The following SYCE1 variants were observed in gnomAD, a reference collection of about 807,000 sequenced individuals.
SYCE1 encodes synaptonemal complex central element protein 1.
Under a neutral mutation model 55.1 loss-of-function variants are expected in SYCE1, and 37 were observed. That is an observed-to-expected ratio of 0.67 (90% CI 0.52 to 0.88). The LOEUF (loss-of-function observed/expected upper bound fraction) is 0.88, where lower values mean the gene tolerates loss of function less well. SYCE1 is among the 40% of genes least tolerant of loss of function. The pLI is 0.00. For missense variants in SYCE1, 399 were observed against 416.4 expected (o/e 0.96, Z 0.36); for synonymous variants, 163 against 159.4 (o/e 1.02, Z -0.17).
At chr10:133,563,485 A>G (rs1851860277) in intron 1 of SYCE1, among the ~76,000 whole-genome samples, 1 of 152,158 alleles carries the variant, frequency 6.6e-6, no homozygotes, top group South Asian at 2.1e-4. Flanking sequence ...GGAGTTCAAG[A>G]GCAGCCTGAG....
upstream of SYCE1, chr10:133,567,865 T>A (rs749992455): frequency 4.5e-6 from 2 of 447,526 alleles, no homozygotes; most frequent in African/African-American, 4.0e-5. Context: ...GGGCCCATGG[T>A]CTCCTCTAGG....
chr10:133,557,313 C>T, intron 6 of SYCE1, 157 bp from the exon 7 acceptor site: 1 of 662,570 alleles, frequency 1.5e-6, no homozygotes, highest in South Asian at 1.8e-5. Flanking sequence ...TGACCATTTG[C>T]CCCCTGGAAG....
chr10:133,554,454 G>C, downstream of SYCE1: 1 of 858,516 alleles, frequency 1.2e-6, no homozygotes, highest in Non-Finnish European at 2.0e-6. Flanking sequence ...ACATGTATCA[G>C]ATGCACATGA....
chr10:133,565,634 C>G (rs983221154), upstream of SYCE1: 1 of 1,098,884 alleles, frequency 9.1e-7, no homozygotes, highest in African/African-American at 1.6e-5. Flanking sequence ...CTGCGCAATG[C>G]ACTCCTGCGC....
Position 133,555,363 on chromosome 10 carries a change from G to A in SYCE1, c.906C>T (p.Gly302=), listed in dbSNP as rs757677993. The A allele has an allele frequency of 8.1e-6, 13 of 1,613,988 alleles. No homozygotes were observed. The highest frequency in any genetic ancestry group is 1.1e-5 in the Non-Finnish European group (13 of 1,179,946). The change falls in exon 12 of 13, where the codon GGC becomes GGT. Residue 302 remains glycine (G), a synonymous_variant. Transcript: ENST00000343131. ...TTCTGGGGCTTACCACATCTCCTGG[G>A]CCAGCCTCTTCCTCTTGTGTGCTCT... ...QAQSTQEEEA[G]PGDVASPKPL...
chr10:133,557,801 C>T, intron 6 of SYCE1, 63 bp downstream of exon 6: 1 of 1,571,448 alleles, frequency 6.4e-7, no homozygotes, highest in African/African-American at 1.3e-5. Context: ...CATCTTCCTG[C>T]CTCTTTCTGC....
At chr10:133,562,921 T>C (rs191274247) in intron 1 of SYCE1, among the ~76,000 whole-genome samples, 210 of 152,296 alleles carry the variant, frequency 1.4e-3, no homozygotes, top group African/African-American at 4.9e-3. Flanking sequence ...ACATTGGGGA[T>C]TACAATTCAA....
At chr10:133,558,443 T>C (rs547824715) in intron 4 of SYCE1, 4 of 584,842 alleles carry the variant, frequency 6.8e-6, no homozygotes, top group East Asian at 5.7e-5. Flanking sequence ...TGCTCGTGCT[T>C]TTACATGGGG....
intron 4 of SYCE1, chr10:133,558,536 A>G: frequency 1.9e-6 from 1 of 531,330 alleles, no homozygotes; most frequent in South Asian, 2.4e-5. Context: ...ATGTGACCAG[A>G]TGGAGGCAGG....
At chr10:133,562,261 ATGTGTGTGTGTGTGTGTGTGTGTG>A (rs59050384) in intron 1 of SYCE1, among the ~76,000 whole-genome samples, 6,535 of 143,094 alleles carry the variant, frequency 0.046, 236 homozygotes, top group East Asian at 0.18. Context: ...CTAACATCCA[ATGTGTGTGTGTGTGTGTGTGTGTG>A]TGTGTGTGTG....
At position 133,557,422 on chromosome 10, in the gene SYCE1, TCA is replaced by T. The variant is rs1333728725; in HGVS notation, c.375-268_375-267del. 4 of 521,396 alleles carry T rather than the reference TCA, an allele frequency of 7.7e-6. No homozygotes were observed. In the Admixed American group the frequency reaches 1.4e-4, roughly 18 times the overall value. The allele number at this position is 521,396 out of a possible 1,614,324, so 32.3% of individuals were successfully genotyped here. ...CTCGTTTTCCCAAAGAGCTGAAATC[TCA>T]GTGTGCCAGGGCCTGGGGCCTCTGG... is the stretch of plus-strand genomic sequence containing the variant. On this transcript the variant is annotated intron_variant, in intron 6 of 12. Coordinates refer to ENST00000343131, the MANE Select transcript of SYCE1 (RefSeq NM_001143764.3).
upstream of SYCE1, among the ~76,000 whole-genome samples, chr10:133,565,892 A>C (rs1851923633): frequency 6.6e-6 from 1 of 152,146 alleles, no homozygotes; most frequent in Non-Finnish European, 1.5e-5. Flanking sequence ...CTTCCTGTGA[A>C]GTGTGCGTGT....
At chr10:133,565,602 G>A (rs1741202870), upstream of SYCE1, 2 of 1,467,778 alleles carry the variant, frequency 1.4e-6, no homozygotes, top group African/African-American at 1.4e-5. Context: ...CGCCGCTGGG[G>A]GCAGGACTCC....
intron 3 of SYCE1, 132 bp from the exon 4 acceptor site, chr10:133,559,083 C>T: frequency 1.9e-6 from 2 of 1,056,862 alleles, no homozygotes; most frequent in Non-Finnish European, 2.7e-6. Context: ...AGGCTTCCAG[C>T]TCTCCTTGCC....
chr10:133,554,567 T>G, downstream of SYCE1: 5 of 659,998 alleles, frequency 7.6e-6, no homozygotes, highest in Non-Finnish European at 1.4e-5. Context: ...GAGCACAAAC[T>G]ACACAGCTAA....
chr10:133,555,292 C>A, intron 12 of SYCE1, 59 bp downstream of exon 12: 2 of 1,608,060 alleles, frequency 1.2e-6, no homozygotes, highest in East Asian at 2.2e-5. Flanking sequence ...TCCTCCCGCC[C>A]CTTCCGCTGT....
At chr10:133,566,941 G>C (rs893396558), upstream of SYCE1, among the ~76,000 whole-genome samples, 2 of 150,298 alleles carry the variant, frequency 1.3e-5, no homozygotes, top group Non-Finnish European at 3.0e-5. Flanking sequence ...TAGCTTCAGG[G>C]TTCGGTGTCA....
At chr10:133,556,085 C>CT in intron 8 of SYCE1, 38 bp from the exon 9 acceptor site, 1 of 1,607,426 alleles carries the variant, frequency 6.2e-7, no homozygotes, top group East Asian at 2.2e-5. Flanking sequence ...CTCCTCTTGG[C>CT]TTTCCCCCAT....
At position 133,555,989 on chromosome 10, in the gene SYCE1, A is replaced by G. The variant is rs1407296303; in HGVS notation, c.587T>C (p.Leu196Pro). Residue 196 changes from leucine to proline, a missense_variant, in exon 9 of 13, where the codon CTC (leucine) becomes CCC (proline). Leu to Pro is a moderately conservative substitution (Grantham distance 98, BLOSUM62 -3). Transcript: ENST00000343131. ...CALDSSKEQL[L>P]KEEKLVKATL... is the part of the protein sequence containing the mutation. ...ACCTTCCCTGGTCTCACCTTCCTTG[A>G]GCAGCTGCTCCTTGCTGCTGTCCAG... is the stretch of plus-strand genomic sequence containing the variant. 6.2e-7 allele frequency: 1 copy of G among 1,614,142 alleles called. No individual in the cohort carries two copies. Among genetic ancestry groups the G allele is most frequent in the Non-Finnish European group, 8.5e-7 (1 of 1,180,024 alleles).
Sources: allele counts gnomAD v4.1 joint callset (sites outside exome capture counted in the v4.1 genomes callset), GRCh38; gene constraint gnomAD v4.1.1; transcripts MANE v1.5; gene names NCBI Gene and HGNC (gene_info 2026-07-23, HGNC 2026-07-21).